Variants in ZNF710 observed in about 807,000 individuals in gnomAD.
The protein encoded by ZNF710 is zinc finger protein 710.
Under a neutral mutation model 50.6 loss-of-function variants are expected in ZNF710, and 13 were observed. The observed-to-expected ratio is 0.26, with a 90% confidence interval of 0.17 to 0.41. ZNF710 has a LOEUF of 0.41. Ranked by LOEUF, ZNF710 falls within the 10% of genes least tolerant of loss-of-function variation. ZNF710 has a pLI of 1.00. For synonymous variants in ZNF710, 383 were observed against 397.0 expected (o/e 0.96, Z 0.42); for missense variants, 721 against 936.6 (o/e 0.77, Z 3.01).
chr15:90,075,852 C>T (rs1164685775), intron 4 of ZNF710: 3 of 152,250 alleles, frequency 2.0e-5, no homozygotes, highest in Admixed American at 6.5e-5. Flanking sequence ...TGAGCAGCCT[C>T]GGCCCCACCT....
chr15:90,064,369 G>C (rs1195330811), intron 1 of ZNF710, among the ~76,000 whole-genome samples: 1 of 152,242 alleles, frequency 6.6e-6, no homozygotes, highest in East Asian at 1.9e-4. Flanking sequence ...TTCTCTAGTG[G>C]TTGTCCTCAG....
intron 1 of ZNF710, among the ~76,000 whole-genome samples, chr15:90,063,366 C>CA (rs1410910985): frequency 6.6e-6 from 1 of 152,130 alleles, no homozygotes; most frequent in African/African-American, 2.4e-5. Context: ...CGCACTACCC[C>CA]ACCCCTGCCC....
At position 90,074,718 on chromosome 15, in the gene ZNF710, A is replaced by G. The variant is rs1900533440; in HGVS notation, c.1825+428A>G. On this transcript the variant is annotated intron_variant, in intron 4 of 4. Transcript: ENST00000268154. ...CTTTATTTCGTTACCGTGAGATAAT[A>G]TTTCAAATAAGTGTATGGGAAAGAA... 1.7e-5 allele frequency: 6 copies of G among 355,028 alleles called. No individual in the cohort carries two copies. In the Admixed American group the frequency reaches 1.7e-4, roughly 10 times the overall value. 22.0% of individuals were successfully genotyped at this position (355,028 alleles called of 1,614,324 possible). A position where few individuals can be genotyped will look rare whatever the true frequency, so the allele number is the denominator to read the frequency against.
At chr15:90,027,536 T>A (rs1372868320) in intron 1 of ZNF710, among the ~76,000 whole-genome samples, 2 of 152,066 alleles carry the variant, frequency 1.3e-5, no homozygotes, top group Admixed American at 6.6e-5. Context: ...ACCAAGATCC[T>A]ATATATAGAT....
At chr15:90,025,091 A>C (rs972572805) in intron 1 of ZNF710, 1 of 152,224 alleles carries the variant, frequency 6.6e-6, no homozygotes, top group African/African-American at 2.4e-5. Context: ...CAGCCATGAC[A>C]GTAAGCAGGG....
chr15:90,079,503 A>C (rs1395017176), intron 4 of ZNF710, among the ~76,000 whole-genome samples, 157 bp from the exon 5 acceptor site: 1 of 152,180 alleles, frequency 6.6e-6, no homozygotes, highest in Non-Finnish European at 1.5e-5. Context: ...CAGGACCCTG[A>C]GGCGTCCGAG....
At position 90,059,478 on chromosome 15, in the gene ZNF710, C is replaced by A. The variant is rs955175275; in HGVS notation, c.-28-7632C>A. Among the ~76,000 whole-genome samples the A allele has an allele frequency of 6.6e-6, 1 of 152,084 alleles. No individual in the cohort carries two copies. The highest frequency in any genetic ancestry group is 2.1e-4 in the South Asian group (1 of 4,824). On this transcript the variant is annotated intron_variant, in intron 1 of 4. Transcript: ENST00000268154. This position sits in a 1 kb window ranked among gnomAD's most constrained non-coding sequence, Gnocchi z 4.1. ...TCTGTTAACAGGGCCGGGTATGGTGCGCATCACGGGGGTTTGTGGGTTGGT... is the reference window on the plus strand; with the variant it reads ...TCTGTTAACAGGGCCGGGTATGGTGAGCATCACGGGGGTTTGTGGGTTGGT...
chr15:90,000,192 G>A (rs1897979262), upstream of ZNF710, among the ~76,000 whole-genome samples: 1 of 152,252 alleles, frequency 6.6e-6, no homozygotes, highest in Non-Finnish European at 1.5e-5. Flanking sequence ...AGAACCCGAG[G>A]ACAGAGCAGG....
intron 1 of ZNF710, among the ~76,000 whole-genome samples, chr15:90,054,345 G>A (rs1899741340): frequency 6.6e-6 from 1 of 151,038 alleles, no homozygotes; most frequent in East Asian, 1.9e-4. Flanking sequence ...GGTCTGAGGC[G>A]AGTCTTGGTG....
intron 1 of ZNF710, among the ~76,000 whole-genome samples, chr15:90,018,092 T>C (rs1211800557): frequency 6.6e-6 from 1 of 151,982 alleles, no homozygotes. Flanking sequence ...ACATCAGCTG[T>C]GTTCTTTTGC....
chr15:90,058,560 C>G (rs1234235714), intron 1 of ZNF710, among the ~76,000 whole-genome samples: 2 of 152,060 alleles, frequency 1.3e-5, no homozygotes, highest in Non-Finnish European at 2.9e-5. Context: ...TAGAGACACT[C>G]CCGTGCTGGG....
intron 1 of ZNF710, among the ~76,000 whole-genome samples, chr15:90,065,287 G>A (rs1288167976): frequency 6.6e-6 from 1 of 152,240 alleles, no homozygotes; most frequent in Non-Finnish European, 1.5e-5. Context: ...CGCCGACCGT[G>A]TGCCTGACCG....
At chr15:90,061,940 G>C (rs1158836823) in intron 1 of ZNF710, among the ~76,000 whole-genome samples, 1 of 152,132 alleles carries the variant, frequency 6.6e-6, no homozygotes, top group East Asian at 1.9e-4. Context: ...GCTCTGAGGA[G>C]ACGGCGTCCC....
At position 90,079,981 on chromosome 15, in the gene ZNF710, C is replaced by T. The variant is rs1048378852; in HGVS notation, c.*152C>T. The T allele has an allele frequency of 6.0e-5, 42 of 698,726 alleles. No individual in the cohort carries two copies. The highest frequency in any genetic ancestry group is 4.0e-4 in the Middle Eastern group (1 of 2,486). The allele number at this position is 698,726 out of a possible 1,614,324, so 43.3% of individuals were successfully genotyped here. On this transcript the variant is annotated 3_prime_UTR_variant, in exon 5 of 5. Transcript: ENST00000268154. The stretch of plus-strand genomic sequence containing the variant: ...CCGAGTCATTTGCACCACTAGGGAC[C>T]TTTAGACCAAATGGAGACTGTACTA...
At chr15:90,044,268 C>G (rs796144102) in intron 1 of ZNF710, among the ~76,000 whole-genome samples, 39 of 152,338 alleles carry the variant, frequency 2.6e-4, no homozygotes, top group African/African-American at 9.4e-4. Context: ...GCCTTGGCAT[C>G]CTTCCCTTCT....
intron 1 of ZNF710, among the ~76,000 whole-genome samples, chr15:90,031,802 T>G (rs1321473876): frequency 6.6e-6 from 1 of 152,240 alleles, no homozygotes; most frequent in Non-Finnish European, 1.5e-5. Flanking sequence ...ACCAAGTGCC[T>G]GCACCTTAAA....
chr15:90,041,213 GT>G (rs2151495728), intron 1 of ZNF710, among the ~76,000 whole-genome samples: 1 of 151,916 alleles, frequency 6.6e-6, no homozygotes, highest in Non-Finnish European at 1.5e-5. Context: ...TGTTTGGTTG[GT>G]TTTTAGAGAT....
chr15:90,072,821 G>A (rs999075573), intron 2 of ZNF710, among the ~76,000 whole-genome samples: 1 of 152,178 alleles, frequency 6.6e-6, no homozygotes, highest in African/African-American at 2.4e-5. Flanking sequence ...GCAGGTATCT[G>A]GATCGTTACA....
chr15:90,079,087 ACCCT>A (rs1439699260), intron 4 of ZNF710, among the ~76,000 whole-genome samples: 1 of 152,078 alleles, frequency 6.6e-6, no homozygotes, highest in Non-Finnish European at 1.5e-5. Context: ...AGGAGGCCTC[ACCCT>A]CCCGCAGTGT....
Sources: allele counts gnomAD v4.1 joint callset (sites outside exome capture counted in the v4.1 genomes callset), GRCh38; gene constraint gnomAD v4.1.1; non-coding constraint Gnocchi (gnomAD v3.1); transcripts MANE v1.5; gene names NCBI Gene and HGNC (gene_info 2026-07-23, HGNC 2026-07-21).